PAQR8: variants seen among roughly 807,000 people sequenced by gnomAD.
PAQR8 encodes the protein membrane progestin receptor beta.
A neutral mutation model predicts 25.2 loss-of-function variants in PAQR8; 17 were observed. That is an observed-to-expected ratio of 0.67 (90% confidence interval 0.46 to 1.01). PAQR8 has a LOEUF of 1.01. Among genes scored for constraint, PAQR8 ranks in the 50% least tolerant of loss-of-function variants. PAQR8 has a pLI of 0.00. For synonymous variants in PAQR8, 204 were observed against 190.6 expected, an observed-to-expected ratio of 1.07 and a Z score of -0.58; for missense variants, 392 against 448.4, an observed-to-expected ratio of 0.87 and a Z score of 1.14.
intron 1 of PAQR8, among the ~76,000 whole-genome samples, chr6:52,377,957 CAGAA>C (rs1282207820): frequency 1.3e-5 from 2 of 152,108 alleles, no homozygotes; most frequent in African/African-American, 4.8e-5. Flanking sequence ...GAGGTTGAAA[CAGAA>C]AGCATTTCCT....
At position 52,403,895 on chromosome 6, in the gene PAQR8, G is replaced by T; in HGVS notation, c.682G>T (p.Val228Leu). The T allele has an allele frequency of 6.2e-7, 1 of 1,614,242 alleles. No homozygotes were observed. The highest frequency in any genetic ancestry group is 8.5e-7 in the Non-Finnish European group (1 of 1,180,048). ...GLAFILDISP[V>L]AHRVALCHLA... ...GGCTTTTATCCTAGACATCAGCCCT[G>T]TGGCACACCGTGTGGCGCTCTGTCA... The change falls in exon 2 of 2, where the codon GTG becomes TTG. Residue 228 changes from valine to leucine, a missense_variant. Physicochemically the swap from Val to Leu is conservative, Grantham distance 32 (BLOSUM62 1). Coordinates refer to ENST00000442253, the MANE Select transcript of PAQR8 (RefSeq NM_133367.5).
intron 1 of PAQR8, among the ~76,000 whole-genome samples, chr6:52,385,489 C>G (rs1763621621): frequency 6.6e-6 from 1 of 152,160 alleles, no homozygotes; most frequent in African/African-American, 2.4e-5. Flanking sequence ...CGACATAGGC[C>G]TTGGGGAAGA....
At chr6:52,377,466 T>A (rs903498942) in intron 1 of PAQR8, among the ~76,000 whole-genome samples, 1 of 152,202 alleles carries the variant, frequency 6.6e-6, no homozygotes, top group African/African-American at 2.4e-5. Context: ...TTATGATTGA[T>A]GTACCTTGTT....
intron 1 of PAQR8, among the ~76,000 whole-genome samples, chr6:52,385,735 A>C (rs1219206028): frequency 6.6e-6 from 1 of 152,060 alleles, no homozygotes; most frequent in Non-Finnish European, 1.5e-5. Context: ...AAATACAAAA[A>C]ATTAGCTGGG....
chr6:52,377,156 T>C (rs574247158), intron 1 of PAQR8, among the ~76,000 whole-genome samples: 2 of 152,360 alleles, frequency 1.3e-5, no homozygotes, highest in South Asian at 2.1e-4. Context: ...TAATATTGGC[T>C]GTTAGACACT....
Position 52,403,398 on chromosome 6 carries a change from G to T in PAQR8, c.185G>T (p.Trp62Leu). 1 of 1,614,250 alleles carries T rather than the reference G, an allele frequency of 6.2e-7. No homozygotes were observed. Among genetic ancestry groups the T allele is most frequent in the Non-Finnish European group, 8.5e-7 (1 of 1,180,044 alleles). Residue 62 changes from tryptophan (W) to leucine (L), a missense_variant, in exon 2 of 2, where the codon TGG becomes TTG. Transcript: ENST00000442253. ...GGCTACCGCCCCACGGGGCACGAGT[G>T]GCGCTACTACTTCTTCAGCCTCTTT... ...RTGYRPTGHE[W>L]RYYFFSLFQK... is the part of the protein sequence containing the mutation.
At chr6:52,366,070 G>T (rs1383090261) in intron 1 of PAQR8, among the ~76,000 whole-genome samples, 1 of 151,826 alleles carries the variant, frequency 6.6e-6, no homozygotes, top group Non-Finnish European at 1.5e-5. Context: ...GCTCTGCTGT[G>T]TTTTTTAAAC....
At chr6:52,367,158 G>A (rs1448570848) in intron 1 of PAQR8, among the ~76,000 whole-genome samples, 1 of 152,088 alleles carries the variant, frequency 6.6e-6, no homozygotes, top group African/African-American at 2.4e-5. Flanking sequence ...GGAGGGGGAG[G>A]GATGTTACTG....
intron 1 of PAQR8, among the ~76,000 whole-genome samples, chr6:52,391,461 T>C (rs1454224723): frequency 6.6e-6 from 1 of 152,350 alleles, no homozygotes; most frequent in African/African-American, 2.4e-5. Flanking sequence ...GCACTGACCA[T>C]TGGTGAATCT....
Position 52,403,169 on chromosome 6 carries a change from A to C in PAQR8, c.-45A>C, listed in dbSNP as rs76408349. The C allele has an allele frequency of 0.062, 95,026 of 1,533,446 alleles. 3,175 individuals carry two copies. Among genetic ancestry groups the C allele is most frequent in the South Asian group, 0.076 (6,434 of 84,848 alleles). 95.0% of individuals were successfully genotyped at this position (1,533,446 alleles called of 1,614,324 possible). A position where few individuals can be genotyped will look rare whatever the true frequency, so the allele number is the denominator to read the frequency against. ...TTCCTTTCTTTTCTGCAGGTTGCAT[A>C]CCCTGTCCTGAGGGCGCGGCACGGA... On this transcript the variant is annotated 5_prime_UTR_variant, in exon 2 of 2. Coordinates refer to ENST00000442253, the MANE Select transcript of PAQR8 (RefSeq NM_133367.5).
chr6:52,403,588 C>A lies in PAQR8; in HGVS notation c.375C>A (p.Cys125Ter), dbSNP rs1763867442. The A allele has an allele frequency of 6.2e-7, 1 of 1,613,988 alleles. No homozygotes were observed. Among genetic ancestry groups the A allele is most frequent in the Non-Finnish European group, 8.5e-7 (1 of 1,180,052 alleles). Residue 125 changes from cysteine to a stop codon, truncating the protein, a stop_gained, in exon 2 of 2, where the codon TGC becomes TGA. Transcript: ENST00000442253. LOFTEE classifies it high-confidence loss of function. Reference sequence around the variant, plus strand: ...TGTCGTCAATCACTTACCTCACCTGCAGCCTTCTGGCCCACCTGCTGCAGT... The same window carrying A: ...TGTCGTCAATCACTTACCTCACCTGAAGCCTTCTGGCCCACCTGCTGCAGT... Reference protein sequence around the residue: ...FILSSITYLTCSLLAHLLQSK... With the variant: ...FILSSITYLT
intron 1 of PAQR8, among the ~76,000 whole-genome samples, chr6:52,378,506 A>T (rs1763511782): frequency 6.6e-6 from 1 of 152,250 alleles, no homozygotes; most frequent in South Asian, 2.1e-4. Flanking sequence ...AAAAGGAAGA[A>T]AATTGGCCAG....
intron 1 of PAQR8, among the ~76,000 whole-genome samples, chr6:52,394,380 A>C (rs1263946932): frequency 1.3e-5 from 2 of 152,262 alleles, no homozygotes; most frequent in African/African-American, 4.8e-5. Flanking sequence ...AATGCATTTT[A>C]GGTAGTTTCC....
intron 1 of PAQR8, among the ~76,000 whole-genome samples, chr6:52,392,440 T>C (rs1385226411): frequency 6.6e-6 from 1 of 152,224 alleles, no homozygotes; most frequent in East Asian, 1.9e-4. Context: ...GAATCAGCTA[T>C]TCCAAGTTTG....
chr6:52,368,229 T>G (rs1005594833), intron 1 of PAQR8, among the ~76,000 whole-genome samples: 2 of 152,180 alleles, frequency 1.3e-5, no homozygotes, highest in Non-Finnish European at 2.9e-5. Flanking sequence ...GCACAGAGAA[T>G]GTTTAGCAGA....
intron 1 of PAQR8, among the ~76,000 whole-genome samples, chr6:52,379,623 T>TC (rs1355603809): frequency 7.7e-6 from 1 of 129,792 alleles, no homozygotes; most frequent in Non-Finnish European, 1.7e-5. Context: ...AGCTTTCTTT[T>TC]TTTTTTTTTT....
intron 1 of PAQR8, among the ~76,000 whole-genome samples, chr6:52,373,163 G>A (rs1008615432): frequency 6.6e-6 from 1 of 152,162 alleles, no homozygotes; most frequent in Non-Finnish European, 1.5e-5. Context: ...TTTTCCCATT[G>A]CTGCAAATTG....
chr6:52,403,809 A>G lies in PAQR8; in HGVS notation c.596A>G (p.Tyr199Cys), dbSNP rs1440971947. Reference protein sequence around the residue: ...LSCAGCCYAKYRYRRPYPVMR... With the variant: ...LSCAGCCYAKCRYRRPYPVMR... Reference sequence around the variant, plus strand: ...TGTGCTGGCTGTTGCTATGCCAAATATCGTTACCGGAGGCCTTATCCAGTC... The same window carrying G: ...TGTGCTGGCTGTTGCTATGCCAAATGTCGTTACCGGAGGCCTTATCCAGTC... Residue 199 changes from tyrosine to cysteine, a missense_variant, in exon 2 of 2, where the codon TAT becomes TGT. Transcript: ENST00000442253. 8.7e-6 allele frequency: 14 copies of G among 1,614,056 alleles called. No individual in the cohort carries two copies. The highest frequency in any genetic ancestry group is 1.2e-5 in the Non-Finnish European group (14 of 1,180,038).
chr6:52,380,765 G>A (rs1446215246), intron 1 of PAQR8, among the ~76,000 whole-genome samples: 1 of 152,146 alleles, frequency 6.6e-6, no homozygotes, highest in East Asian at 1.9e-4. Context: ...TTCTTTATTT[G>A]ATGGATCATA....
Sources: allele counts gnomAD v4.1 joint callset (sites outside exome capture counted in the v4.1 genomes callset), GRCh38; gene constraint gnomAD v4.1.1; transcripts MANE v1.5; gene names NCBI Gene and HGNC (gene_info 2026-07-23, HGNC 2026-07-21).